Variants in ZBTB40 observed in about 807,000 individuals in gnomAD.
The protein encoded by ZBTB40 is zinc finger and BTB domain containing 40, also known as zinc finger and BTB domain-containing protein 40.
ZBTB40 carries 60 observed loss-of-function variants against 117.5 expected under a neutral mutation model. The ratio of observed to expected loss-of-function variants is 0.51; its 90% CI spans 0.41 to 0.63. The LOEUF (loss-of-function observed/expected upper bound fraction) is 0.63. Ranked by LOEUF, ZBTB40 falls within the 30% of genes least tolerant of loss-of-function variation. ZBTB40 has a pLI of 0.00. For missense variants in ZBTB40, 1,287 were observed against 1,498.5 expected (o/e 0.86, Z 2.33); for synonymous variants, 525 against 577.1 (o/e 0.91, Z 1.29).
At position 22,512,205 on chromosome 1, in the gene ZBTB40, C is replaced by A. The variant is rs914975901; in HGVS notation, c.2461+71C>A. The A allele has an allele frequency of 5.2e-6, 8 of 1,552,764 alleles. No homozygotes were observed. In the African/African-American group the frequency reaches 1.1e-4, roughly 21 times the overall value. On this transcript the variant is annotated intron_variant, in intron 11 of 17. Transcript: ENST00000375647. ...TTATAGCTTGGATTTCAGGCCTTTC[C>A]CTTAGTTGTGTGCAGTGAGGGCTGT...
At chr1:22,511,454 G>A (rs1374845796) in intron 10 of ZBTB40, 107 bp downstream of exon 10, 22 of 1,461,510 alleles carry the variant, frequency 1.5e-5, no homozygotes, top group South Asian at 3.7e-5. Context: ...CTTAAGTTAC[G>A]TATTCATTTT....
chr1:22,495,128 G>T (rs549146738), intron 3 of ZBTB40, among the ~76,000 whole-genome samples: 7 of 152,326 alleles, frequency 4.6e-5, no homozygotes, highest in Admixed American at 1.3e-4. Flanking sequence ...AAACACAGCT[G>T]TGAGGTGTGC....
intron 1 of ZBTB40, among the ~76,000 whole-genome samples, chr1:22,443,721 A>G (rs951367205): frequency 6.6e-6 from 1 of 152,240 alleles, no homozygotes; most frequent in African/African-American, 2.4e-5. Flanking sequence ...CGGCTTTGCA[A>G]GGCCATTTCA....
chr1:22,472,283 A>G lies in ZBTB40; in HGVS notation c.-69-17597A>G, dbSNP rs541405344. 3.9e-5 allele frequency among the ~76,000 whole-genome samples: 6 copies of G among 151,900 alleles called. No individual in the cohort carries two copies. In the South Asian group the frequency reaches 1.0e-3, roughly 26 times the overall value. On this transcript the variant is annotated intron_variant, in intron 1 of 17. Transcript: ENST00000375647. ...ACTGAAGCCTCAACCTCCTGGGCTC[A>G]AGTGATCCTTCCACCTCAGCCTCCC...
At position 22,524,352 on chromosome 1, in the gene ZBTB40, A is replaced by T. The variant is rs1478192568; in HGVS notation, c.3433A>T (p.Thr1145Ser). The change falls in exon 17 of 18, where the codon ACC becomes TCC. Residue 1145 changes from threonine to serine, a missense_variant. Transcript: ENST00000375647. ...FPCELCGELFTSQAQLDSHLE... is the reference protein window; with the variant it reads ...FPCELCGELFSSQAQLDSHLE... Reference sequence around the variant, plus strand: ...CTGTGAGCTCTGTGGGGAACTCTTCACCTCCCAGGCCCAGCTTGACAGTCA... The same window carrying T: ...CTGTGAGCTCTGTGGGGAACTCTTCTCCTCCCAGGCCCAGCTTGACAGTCA... The T allele has an allele frequency of 6.2e-7, 1 of 1,613,372 alleles. No homozygotes were observed. Among genetic ancestry groups the T allele is most frequent in the Admixed American group, 1.7e-5 (1 of 59,910 alleles).
At position 22,523,244 on chromosome 1, in the gene ZBTB40, C is replaced by T. The variant is rs550390825; in HGVS notation, c.3298+781C>T. On this transcript the variant is annotated intron_variant, in intron 16 of 17. Coordinates refer to ENST00000375647, the MANE Select transcript of ZBTB40 (RefSeq NM_014870.4). ...GGGATTACAGGCGTGAGCCACTGCG[C>T]CCAGCCAAGATGTACCATTTTTAAG... 2.0e-5 allele frequency among the ~76,000 whole-genome samples: 3 copies of T among 152,176 alleles called. No individual in the cohort carries two copies. In the South Asian group the frequency reaches 6.2e-4, roughly 32 times the overall value.
At chr1:22,508,263 T>C (rs1639128310) in intron 7 of ZBTB40, 126 bp downstream of exon 7, 2 of 1,199,316 alleles carry the variant, frequency 1.7e-6, no homozygotes, top group Admixed American at 2.1e-5. Context: ...AATTGCTAAG[T>C]AGAGGAGAAA....
At chr1:22,451,246 C>T (rs1640862197), upstream of ZBTB40, among the ~76,000 whole-genome samples, 1 of 152,212 alleles carries the variant, frequency 6.6e-6, no homozygotes, top group Non-Finnish European at 1.5e-5. Context: ...GTCGCCTCTC[C>T]GCCTCGCACG....
intron 1 of ZBTB40, chr1:22,452,962 C>T (rs1640918749): frequency 6.6e-6 from 1 of 152,192 alleles, no homozygotes; most frequent in Admixed American, 6.5e-5. Flanking sequence ...TATGGTATTT[C>T]CATTTTACAA....
intron 1 of ZBTB40, among the ~76,000 whole-genome samples, chr1:22,433,669 C>T (rs1172725949): frequency 7.1e-6 from 1 of 141,466 alleles, no homozygotes. Context: ...AGTCCTAGAA[C>T]TAACCCTCCA....
chr1:22,521,035 C>T (rs1469956595), intron 14 of ZBTB40, among the ~76,000 whole-genome samples: 2 of 152,256 alleles, frequency 1.3e-5, no homozygotes, highest in African/African-American at 4.8e-5. Context: ...GCAGTGTGCA[C>T]TCCTCCAGCA....
intron 14 of ZBTB40, 95 bp downstream of exon 14, chr1:22,520,370 T>C (rs1196530945): frequency 6.3e-6 from 6 of 957,426 alleles, no homozygotes; most frequent in Non-Finnish European, 9.8e-6. Flanking sequence ...TTGCAGATCA[T>C]ATCTTGTATC....
chr1:22,439,168 C>T (rs541990290), intron 1 of ZBTB40, among the ~76,000 whole-genome samples: 21 of 152,220 alleles, frequency 1.4e-4, no homozygotes, highest in African/African-American at 4.1e-4. Context: ...GCCTGGCCTG[C>T]GTCTTTTGCC....
chr1:22,440,661 G>T (rs1479876794), intron 1 of ZBTB40, among the ~76,000 whole-genome samples: 2 of 145,696 alleles, frequency 1.4e-5, no homozygotes, highest in Non-Finnish European at 3.0e-5. Flanking sequence ...TTCCTAGCTT[G>T]TTGAGTGTTT....
chr1:22,490,416 G>A lies in ZBTB40; in HGVS notation c.468G>A (p.Glu156=), dbSNP rs1301815071. 6.2e-7 allele frequency: 1 copy of A among 1,610,620 alleles called. No individual in the cohort carries two copies. Among genetic ancestry groups the A allele is most frequent in the South Asian group, 1.1e-5 (1 of 90,904 alleles). Residue 156 remains glutamate (E), a synonymous_variant, in exon 2 of 18, where the codon GAG becomes GAA. Transcript: ENST00000375647. ...VEILSSEGAG[E]PHSSPELAAT... is the part of the protein sequence containing the mutation. ...TCCTTTCATCTGAAGGTGCTGGAGA[G>A]CCTCATTCTTCCCCAGAGCTTGCTG...
chr1:22,482,442 C>T (rs1044408348), intron 1 of ZBTB40, among the ~76,000 whole-genome samples: 5 of 152,200 alleles, frequency 3.3e-5, no homozygotes, highest in Non-Finnish European at 7.3e-5. Context: ...CCATGTCTCA[C>T]ACCATATTGG....
rs569246859 is a variant in ZBTB40, at chr1:22,506,174, G to A, written c.1293G>A (p.Thr431=). The A allele has an allele frequency of 7.4e-6, 12 of 1,614,138 alleles. No homozygotes were observed. Among genetic ancestry groups the A allele is most frequent in the East Asian group, 4.5e-5 (2 of 44,876 alleles). Reference sequence around the variant, plus strand: ...TAAAACTCCTCCAGGCTGTGAAGACGACTTTCCCAAACCTGGGCCTTCTGC... The same window carrying A: ...TAAAACTCCTCCAGGCTGTGAAGACAACTTTCCCAAACCTGGGCCTTCTGC... The part of the protein sequence containing the change: ...GLVKLLQAVK[T]TFPNLGLLLE... The change falls in exon 6 of 18, where the codon ACG becomes ACA. Residue 431 remains threonine, a synonymous_variant. Coordinates refer to ENST00000375647, the MANE Select transcript of ZBTB40 (RefSeq NM_014870.4).
intron 3 of ZBTB40, among the ~76,000 whole-genome samples, chr1:22,493,793 TG>T (rs1346319617): frequency 0.015 from 2,021 of 137,352 alleles, 52 homozygotes; most frequent in Admixed American, 0.066. Context: ...GATTCACCCA[TG>T]TTTTTTTTTT....
chr1:22,447,720 C>T (rs1233027761), upstream of ZBTB40, among the ~76,000 whole-genome samples: 1 of 152,176 alleles, frequency 6.6e-6, no homozygotes, highest in Non-Finnish European at 1.5e-5. Context: ...AGGCAGTCTC[C>T]CTCCTCCTCG....
Sources: allele counts gnomAD v4.1 joint callset (sites outside exome capture counted in the v4.1 genomes callset), GRCh38; gene constraint gnomAD v4.1.1; transcripts MANE v1.5; gene names NCBI Gene and HGNC (gene_info 2026-07-23, HGNC 2026-07-21).